RHBDD1: variants seen among roughly 807,000 people sequenced by gnomAD.
RHBDD1 encodes the protein rhomboid-related protein 4.
In RHBDD1, 38 loss-of-function variants were observed where a neutral mutation model predicts 36.3. That is an observed-to-expected ratio of 1.05 (90% CI 0.81 to 1.37). The LOEUF is 1.37. Among genes scored for constraint, RHBDD1 ranks in the 40% most tolerant of loss-of-function variants. RHBDD1 has a pLI of 0.00. For synonymous variants in RHBDD1, 151 were observed against 136.5 expected, an observed-to-expected ratio of 1.11 and a Z score of -0.74; for missense variants, 393 against 377.6, an observed-to-expected ratio of 1.04 and a Z score of -0.34.
the RHBDD1 span, chr2:226,808,395 A>C: frequency 6.6e-6 from 1 of 152,360 alleles, no homozygotes; most frequent in East Asian, 1.9e-4. Context: ...CTAGGATTCT[A>C]TGGGCCAGGA....
chr2:226,954,861 T>G (rs1052188386), intron 8 of RHBDD1, among the ~76,000 whole-genome samples: 2 of 151,570 alleles, frequency 1.3e-5, no homozygotes, highest in African/African-American at 2.4e-5. Flanking sequence ...AGGGGGGCAG[T>G]GCTTAGGGAG....
intron 8 of RHBDD1, among the ~76,000 whole-genome samples, chr2:226,984,169 GCCAGCACCTGCTGAACTA>G (rs1956416347): frequency 6.6e-6 from 1 of 152,258 alleles, no homozygotes; most frequent in South Asian, 2.1e-4. Context: ...AGCTGTGACA[GCCAGCACCTGCTGAACTA>G]CCAGTTGCCA....
intron 5 of RHBDD1, among the ~76,000 whole-genome samples, chr2:226,877,215 G>C (rs1945310712): frequency 6.6e-6 from 1 of 152,096 alleles, no homozygotes; most frequent in Admixed American, 6.5e-5. Context: ...AAAATCTGTT[G>C]ATCTGTCTTG....
chr2:226,892,744 A>G (rs906845733), intron 5 of RHBDD1, among the ~76,000 whole-genome samples: 1 of 152,178 alleles, frequency 6.6e-6, no homozygotes, highest in Non-Finnish European at 1.5e-5. Flanking sequence ...AAATCTCACC[A>G]TTAGAACTCA....
intron 8 of RHBDD1, among the ~76,000 whole-genome samples, chr2:226,918,485 T>C (rs1193363868): frequency 1.3e-5 from 2 of 151,994 alleles, no homozygotes. Flanking sequence ...CCCCAGCATC[T>C]GGTAACCGTC....
chr2:226,854,905 T>C (rs1215023731), intron 3 of RHBDD1, among the ~76,000 whole-genome samples: 1 of 151,806 alleles, frequency 6.6e-6, no homozygotes, highest in Non-Finnish European at 1.5e-5. Flanking sequence ...AGGGGAAGAG[T>C]GTAAGGTGAT....
At chr2:226,872,425 G>A (rs181839923) in intron 5 of RHBDD1, among the ~76,000 whole-genome samples, 255 of 152,190 alleles carry the variant, frequency 1.7e-3, no homozygotes, top group Middle Eastern at 6.8e-3. Context: ...TAGTATTTCC[G>A]TAGAGAGAAC....
At chr2:226,869,169 G>C in intron 5 of RHBDD1, 1 of 985,258 alleles carries the variant, frequency 1.0e-6, no homozygotes, top group Non-Finnish European at 1.2e-6. Context: ...ATGGAAAAGG[G>C]ATGGTTGCAT....
upstream of RHBDD1, among the ~76,000 whole-genome samples, chr2:226,833,801 A>G (rs1940801874): frequency 6.6e-6 from 1 of 152,164 alleles, no homozygotes. Flanking sequence ...TGATTGCTTC[A>G]TATGTTCATA....
At chr2:226,873,803 A>C (rs1032772326) in intron 5 of RHBDD1, among the ~76,000 whole-genome samples, 1 of 152,176 alleles carries the variant, frequency 6.6e-6, no homozygotes, top group Admixed American at 6.5e-5. Flanking sequence ...TGGAGGAAGA[A>C]AAGGTCCTGG....
chr2:226,861,227 C>T (rs978705300), intron 3 of RHBDD1, among the ~76,000 whole-genome samples: 4 of 152,004 alleles, frequency 2.6e-5, no homozygotes, highest in Admixed American at 1.3e-4. Context: ...AAGTGGAAGC[C>T]CTTGAGTGTG....
chr2:226,934,816 C>A (rs547303206), intron 8 of RHBDD1, among the ~76,000 whole-genome samples: 78 of 151,852 alleles, frequency 5.1e-4, no homozygotes, highest in African/African-American at 1.8e-3. Flanking sequence ...TTTTTTTTCT[C>A]CCCCAACCCC....
At chr2:226,937,795 G>A (rs1378312933) in intron 8 of RHBDD1, among the ~76,000 whole-genome samples, 1 of 152,146 alleles carries the variant, frequency 6.6e-6, no homozygotes, top group Non-Finnish European at 1.5e-5. Flanking sequence ...TGGCTGCATA[G>A]TATTACATGG....
chr2:226,871,576 C>T (rs4673172), intron 5 of RHBDD1, among the ~76,000 whole-genome samples: 28,316 of 152,066 alleles, frequency 0.19, 4,302 homozygotes, highest in African/African-American at 0.42. Context: ...GGTCTTCCCA[C>T]CTTTTTACTT....
chr2:226,944,050 A>G (rs550558668), intron 8 of RHBDD1, among the ~76,000 whole-genome samples: 1 of 152,288 alleles, frequency 6.6e-6, no homozygotes, highest in South Asian at 2.1e-4. Context: ...TTTGCTCAGT[A>G]TAGTCTTGCT....
chr2:226,857,315 T>G (rs1943428235), intron 3 of RHBDD1, among the ~76,000 whole-genome samples: 1 of 152,114 alleles, frequency 6.6e-6, no homozygotes, highest in African/African-American at 2.4e-5. Flanking sequence ...GTGGTGAAAC[T>G]GGAACCCCTG....
intron 8 of RHBDD1, among the ~76,000 whole-genome samples, chr2:226,965,041 T>C (rs1952514327): frequency 1.3e-5 from 2 of 152,228 alleles, no homozygotes; most frequent in Admixed American, 1.3e-4. Flanking sequence ...CTGAAAGATA[T>C]GACCACCCAG....
At chr2:226,953,056 T>C (rs1320289509) in intron 8 of RHBDD1, among the ~76,000 whole-genome samples, 1 of 152,224 alleles carries the variant, frequency 6.6e-6, no homozygotes, top group Non-Finnish European at 1.5e-5. Context: ...TTGGAATTGA[T>C]GCAATTAAGA....
At chr2:226,994,942 G>A (rs554524192) in intron 8 of RHBDD1, among the ~76,000 whole-genome samples, 1 of 152,260 alleles carries the variant, frequency 6.6e-6, no homozygotes, top group African/African-American at 2.4e-5. Context: ...GGTTGCTTGT[G>A]TGTTTCAATC....
Sources: gnomAD v4.1 joint callset for allele counts (sites outside exome capture counted in the v4.1 genomes callset) on GRCh38, gnomAD v4.1.1 for gene constraint, MANE v1.5 for transcripts, NCBI Gene and HGNC (gene_info 2026-07-23, HGNC 2026-07-21) for gene names.